The following GRAMD4 variants were observed in gnomAD, a reference collection of about 807,000 sequenced individuals.
GRAMD4 encodes the protein GRAM domain-containing protein 4.
A neutral mutation model predicts 83.9 loss-of-function variants in GRAMD4; 25 were observed. The observed-to-expected ratio is 0.30, with a 90% confidence interval of 0.22 to 0.42. GRAMD4 has a LOEUF of 0.42. GRAMD4 is among the 10% of genes least tolerant of loss of function. The pLI, the probability that GRAMD4 is intolerant of heterozygous loss-of-function variation, is 1.00. For missense variants in GRAMD4, 593 were observed against 788.7 expected (o/e 0.75, Z 2.97); for synonymous variants, 336 against 320.9 (o/e 1.05, Z -0.50).
intron 1 of GRAMD4, among the ~76,000 whole-genome samples, chr22:46,623,480 C>T (rs529330283): frequency 2.6e-5 from 4 of 152,244 alleles, no homozygotes; most frequent in African/African-American, 9.6e-5. Context: ...CTCCGCCTCC[C>T]GGGTTCATGC....
chr22:46,609,694 T>C (rs1293873496), intron 1 of GRAMD4, among the ~76,000 whole-genome samples: 2 of 152,168 alleles, frequency 1.3e-5, no homozygotes, highest in Non-Finnish European at 2.9e-5. Context: ...GATTCCGCAT[T>C]GTGGAGTGCG....
intron 1 of GRAMD4, chr22:46,587,917 C>T (rs773147296): frequency 7.6e-5 from 75 of 985,160 alleles, no homozygotes; most frequent in Non-Finnish European, 9.0e-5. Context: ...TGATCCTCCC[C>T]GTCTGGGCAG....
intron 2 of GRAMD4, among the ~76,000 whole-genome samples, chr22:46,631,062 G>A (rs529533765): frequency 8.5e-5 from 13 of 152,370 alleles, no homozygotes; most frequent in African/African-American, 2.2e-4. Context: ...CGGCAGTGCC[G>A]AGTGGCTGTA....
chr22:46,621,850 G>A lies in GRAMD4; in HGVS notation c.-50+1285G>A, dbSNP rs1250405973. ...GTGGTGACATGTGTCGTGACATGGA[G>A]TTTGATTCTTAACTGACCGAAGCTT... On this transcript the variant is annotated intron_variant, in intron 1 of 18. Coordinates refer to ENST00000406902, the MANE Select transcript of GRAMD4 (RefSeq NM_015124.5). The surrounding 1 kb of genome is among the most constrained non-coding windows in gnomAD (Gnocchi z 5.8). 1.3e-5 allele frequency among the ~76,000 whole-genome samples: 2 copies of A among 152,250 alleles called. No homozygotes were observed. Among genetic ancestry groups the A allele is most frequent in the African/African-American group, 4.8e-5 (2 of 41,466 alleles).
intron 9 of GRAMD4, among the ~76,000 whole-genome samples, 159 bp from the exon 10 acceptor site, chr22:46,666,666 A>G (rs548576262): frequency 7.9e-5 from 12 of 152,266 alleles, no homozygotes; most frequent in African/African-American, 2.9e-4. Flanking sequence ...CTCTCACAGC[A>G]GGGGGTTCCG....
chr22:46,648,358 ATGAATGGG>A (rs1214081965), intron 3 of GRAMD4, among the ~76,000 whole-genome samples: 1 of 132,334 alleles, frequency 7.6e-6, no homozygotes, highest in African/African-American at 3.3e-5. Flanking sequence ...GGATGGATGG[ATGAATGGG>A]TGAGTGGATG....
chr22:46,604,864 T>C (rs9616079), intron 1 of GRAMD4, among the ~76,000 whole-genome samples: 3,975 of 74,694 alleles, frequency 0.053, 670 homozygotes, highest in Non-Finnish European at 0.081. Flanking sequence ...TAATGTTCTC[T>C]GGGTTCACCC....
upstream of GRAMD4, among the ~76,000 whole-genome samples, chr22:46,576,505 G>A (rs909573235): frequency 6.6e-6 from 1 of 152,210 alleles, no homozygotes; most frequent in Non-Finnish European, 1.5e-5. Context: ...TTCAGAGAAA[G>A]GGTGGGCCCA....
intron 5 of GRAMD4, among the ~76,000 whole-genome samples, chr22:46,661,855 G>T (rs1007516237): frequency 3.9e-5 from 6 of 152,214 alleles, no homozygotes; most frequent in African/African-American, 1.4e-4. Context: ...GGCTGTGAGT[G>T]GGGAGTTGGG....
chr22:46,665,540 G>C lies in GRAMD4; in HGVS notation c.718-75G>C, dbSNP rs574902630. Reference sequence around the variant, plus strand: ...GTCTCCCCACTGGGGCCGCCTGGTGGGGGGAGGCGGGAGGGATGTGCCTTG... The same window carrying C: ...GTCTCCCCACTGGGGCCGCCTGGTGCGGGGAGGCGGGAGGGATGTGCCTTG... On this transcript the variant is annotated intron_variant, in intron 8 of 18. Transcript: ENST00000406902. 4.4e-5 allele frequency: 35 copies of C among 791,988 alleles called. No homozygotes were observed. In the Admixed American group the frequency reaches 4.8e-4, roughly 11 times the overall value. 49.1% of individuals were successfully genotyped at this position (791,988 alleles called of 1,614,324 possible). A position where few individuals can be genotyped will look rare whatever the true frequency, so the allele number is the denominator to read the frequency against.
intron 2 of GRAMD4, among the ~76,000 whole-genome samples, chr22:46,628,113 A>G (rs1157332120): frequency 3.3e-5 from 5 of 152,196 alleles, no homozygotes; most frequent in Admixed American, 6.5e-5. Flanking sequence ...TGTGCTGAGC[A>G]TGTGGTGGGT....
intron 1 of GRAMD4, among the ~76,000 whole-genome samples, chr22:46,593,592 G>A (rs1247870210): frequency 6.6e-6 from 1 of 152,166 alleles, no homozygotes; most frequent in Non-Finnish European, 1.5e-5. Context: ...TAAGGGAGGA[G>A]GCTTGTGGGC....
intron 1 of GRAMD4, among the ~76,000 whole-genome samples, chr22:46,598,069 C>T (rs1003242717): frequency 6.6e-6 from 1 of 152,144 alleles, no homozygotes; most frequent in Non-Finnish European, 1.5e-5. Flanking sequence ...GCAACCTCCA[C>T]CTCCTGGGTT....
chr22:46,658,443 G>T (rs1397202834), intron 4 of GRAMD4, 136 bp downstream of exon 4: 5 of 867,600 alleles, frequency 5.8e-6, no homozygotes, highest in Non-Finnish European at 8.8e-6. Flanking sequence ...TGAGTGTGAG[G>T]GTGGGCCCGG....
At chr22:46,620,219 C>A, upstream of GRAMD4, 1 of 708,706 alleles carries the variant, frequency 1.4e-6, no homozygotes, top group Non-Finnish European at 1.7e-6. This position sits in a 1 kb window ranked among gnomAD's most constrained non-coding sequence, Gnocchi z 4.7. Context: ...TGTCCAGAAG[C>A]AATTCAGCGG....
intron 3 of GRAMD4, among the ~76,000 whole-genome samples, chr22:46,657,985 C>G (rs2082268969): frequency 6.6e-6 from 1 of 152,164 alleles, no homozygotes. Flanking sequence ...CTAGCTCCTG[C>G]CCAGGAGGAA....
intron 13 of GRAMD4, among the ~76,000 whole-genome samples, chr22:46,670,846 C>T (rs144747690): frequency 3.3e-5 from 5 of 152,110 alleles, no homozygotes; most frequent in African/African-American, 4.8e-5. Flanking sequence ...CATCATGATC[C>T]GCCCGCTCGG....
At chr22:46,603,966 G>T (rs1026347205) in intron 1 of GRAMD4, among the ~76,000 whole-genome samples, 1 of 152,172 alleles carries the variant, frequency 6.6e-6, no homozygotes, top group Non-Finnish European at 1.5e-5. Flanking sequence ...AATTTATTTT[G>T]GGAAGGTGTG....
At chr22:46,628,656 G>A (rs1415209731) in intron 2 of GRAMD4, among the ~76,000 whole-genome samples, 3 of 151,212 alleles carry the variant, frequency 2.0e-5, no homozygotes, top group Admixed American at 1.3e-4. Context: ...GCAGGTGGAG[G>A]GCTGCAGTGA....
Sources: gnomAD v4.1 joint callset for allele counts (sites outside exome capture counted in the v4.1 genomes callset) on GRCh38, gnomAD v4.1.1 for gene constraint, Gnocchi (gnomAD v3.1) non-coding constraint, MANE v1.5 for transcripts, NCBI Gene and HGNC (gene_info 2026-07-23, HGNC 2026-07-21) for gene names.